ZNF804B: variants seen among roughly 807,000 people sequenced by gnomAD.
ZNF804B encodes zinc finger protein 804B.
In ZNF804B, 80 loss-of-function variants were observed where a neutral mutation model predicts 101.4. The ratio of observed to expected loss-of-function variants is 0.79; its 90% CI spans 0.66 to 0.95. The LOEUF (loss-of-function observed/expected upper bound fraction) is 0.95. Among genes scored for constraint, ZNF804B ranks in the 40% least tolerant of loss-of-function variants. ZNF804B has a pLI of 0.00. For missense variants in ZNF804B, 1,673 were observed against 1,561.9 expected (o/e 1.07, Z -1.20); for synonymous variants, 622 against 558.8 (o/e 1.11, Z -1.59).
chr7:89,261,404 G>C (rs1584089547), intron 2 of ZNF804B, among the ~76,000 whole-genome samples: 1 of 152,020 alleles, frequency 6.6e-6, no homozygotes, highest in East Asian at 1.9e-4. Context: ...TTGTCTTCAA[G>C]TTTTTTCAAA....
At chr7:89,321,133 AT>A (rs1790813042) in intron 2 of ZNF804B, among the ~76,000 whole-genome samples, 1 of 152,138 alleles carries the variant, frequency 6.6e-6, no homozygotes, top group African/African-American at 2.4e-5. Context: ...GAAAATATAC[AT>A]TAATATTATT....
intron 1 of ZNF804B, among the ~76,000 whole-genome samples, chr7:89,024,597 CT>C (rs71120052): frequency 0.68 from 63,710 of 94,148 alleles, 21,406 homozygotes; most frequent in African/African-American, 0.82. Flanking sequence ...AAAGCTATTA[CT>C]TTTTTTTTTT....
chr7:89,268,080 C>T (rs1789827149), intron 2 of ZNF804B, among the ~76,000 whole-genome samples: 1 of 151,988 alleles, frequency 6.6e-6, no homozygotes, highest in Admixed American at 6.6e-5. Flanking sequence ...CCTTTTGGAC[C>T]AAAAGTCTAA....
At position 89,268,976 on chromosome 7, in the gene ZNF804B, G is replaced by A. The variant is rs373470429; in HGVS notation, c.249+50681G>A. On this transcript the variant is annotated intron_variant, in intron 2 of 3. Transcript: ENST00000333190. ...AATCCAAATGTTTTGTCAACATCTG[G>A]TTGGCATTCAGTGCCTTGCCTAGAT... Among the ~76,000 whole-genome samples, 5 of 151,926 alleles carry A rather than the reference G, an allele frequency of 3.3e-5. No homozygotes were observed. In the East Asian group the frequency reaches 5.8e-4, roughly 18 times the overall value.
intron 1 of ZNF804B, among the ~76,000 whole-genome samples, chr7:88,846,841 G>T (rs948264528): frequency 4.0e-5 from 6 of 151,332 alleles, no homozygotes; most frequent in Non-Finnish European, 7.4e-5. Flanking sequence ...GTATATATAT[G>T]TTGTTGTATA....
chr7:88,944,324 AT>A (rs1793095484), intron 1 of ZNF804B, among the ~76,000 whole-genome samples: 1 of 151,786 alleles, frequency 6.6e-6, no homozygotes, highest in Admixed American at 6.6e-5. Context: ...TCACAGTGCA[AT>A]TTTTGTTTGC....
At chr7:88,899,478 C>A (rs139616848) in intron 1 of ZNF804B, among the ~76,000 whole-genome samples, 1 of 152,106 alleles carries the variant, frequency 6.6e-6, no homozygotes, top group Non-Finnish European at 1.5e-5. Flanking sequence ...TGATCTCTTT[C>A]TTCACTGTCA....
intron 1 of ZNF804B, among the ~76,000 whole-genome samples, chr7:88,926,947 G>GA (rs1562834184): frequency 1.3e-5 from 2 of 150,042 alleles, no homozygotes; most frequent in African/African-American, 4.9e-5. Flanking sequence ...GGGGAGCGGG[G>GA]GGAAAGCTGT....
chr7:88,769,499 G>C (rs1009814914), intron 1 of ZNF804B, among the ~76,000 whole-genome samples: 4 of 152,122 alleles, frequency 2.6e-5, no homozygotes, highest in Non-Finnish European at 5.9e-5. Context: ...CTGAAGACTG[G>C]TATATATAAA....
chr7:89,092,537 C>T (rs142152434), intron 1 of ZNF804B, among the ~76,000 whole-genome samples: 1,530 of 151,284 alleles, frequency 0.01, 24 homozygotes, highest in African/African-American at 0.035. Flanking sequence ...CTCAGCCTCC[C>T]GAGCAACTGG....
At chr7:89,289,968 G>A (rs1246160235) in intron 2 of ZNF804B, among the ~76,000 whole-genome samples, 2 of 152,176 alleles carry the variant, frequency 1.3e-5, no homozygotes, top group Non-Finnish European at 2.9e-5. Context: ...TTCACTTGAG[G>A]AAGGGAGAGA....
intron 2 of ZNF804B, among the ~76,000 whole-genome samples, chr7:89,316,850 A>G (rs1790733081): frequency 2.0e-5 from 3 of 149,272 alleles, no homozygotes; most frequent in Non-Finnish European, 4.5e-5. Context: ...GACCCTTTGT[A>G]CTGCAAACAG....
Position 88,994,176 on chromosome 7 carries a change from T to C in ZNF804B, c.109-223979T>C, listed in dbSNP as rs146007244. Among the ~76,000 whole-genome samples, 252 of 152,132 alleles carry C rather than the reference T, an allele frequency of 1.7e-3. 2 individuals carry two copies. The highest frequency in any genetic ancestry group is 5.7e-3 in the African/African-American group (235 of 41,556). On this transcript the variant is annotated intron_variant, in intron 1 of 3. Coordinates refer to ENST00000333190, the MANE Select transcript of ZNF804B (RefSeq NM_181646.5). ...TCTGAGTGATTTAATTCTTTCATCATATGCTAACTCTTCTTCATTAATTTT... is the reference window on the plus strand; with the variant it reads ...TCTGAGTGATTTAATTCTTTCATCACATGCTAACTCTTCTTCATTAATTTT...
At chr7:89,212,191 G>C (rs1788815259) in intron 1 of ZNF804B, among the ~76,000 whole-genome samples, 1 of 151,462 alleles carries the variant, frequency 6.6e-6, no homozygotes, top group African/African-American at 2.4e-5. Flanking sequence ...TTGCTTTGTA[G>C]ACTCAGGGGA....
chr7:89,218,659 C>T (rs756419312), intron 2 of ZNF804B, among the ~76,000 whole-genome samples: 1 of 152,066 alleles, frequency 6.6e-6, no homozygotes, highest in Non-Finnish European at 1.5e-5. Flanking sequence ...CAGAAATTTA[C>T]TAATAGCCTA....
intron 1 of ZNF804B, among the ~76,000 whole-genome samples, chr7:89,113,076 T>C (rs778720453): frequency 3.3e-5 from 5 of 152,110 alleles, no homozygotes; most frequent in African/African-American, 7.2e-5. Flanking sequence ...TGTTAGGAAA[T>C]ATAAAAATGT....
At chr7:88,809,269 T>C (rs16868336) in intron 1 of ZNF804B, among the ~76,000 whole-genome samples, 51,843 of 151,854 alleles carry the variant, frequency 0.34, 9,435 homozygotes, top group East Asian at 0.51. Flanking sequence ...ACATTTAAGA[T>C]TTTATGTATG....
chr7:88,911,032 A>C (rs1470864575), intron 1 of ZNF804B, among the ~76,000 whole-genome samples: 1 of 152,014 alleles, frequency 6.6e-6, no homozygotes, highest in Non-Finnish European at 1.5e-5. Flanking sequence ...AATCAGAGAA[A>C]ACTTAGAGAA....
intron 1 of ZNF804B, among the ~76,000 whole-genome samples, chr7:89,134,909 G>A (rs2116384636): frequency 6.6e-6 from 1 of 151,972 alleles, no homozygotes; most frequent in South Asian, 2.1e-4. Context: ...ATTAGGAAAG[G>A]TAATGTGCCT....
Sources: gnomAD v4.1 joint callset for allele counts (sites outside exome capture counted in the v4.1 genomes callset) on GRCh38, gnomAD v4.1.1 for gene constraint, MANE v1.5 for transcripts, NCBI Gene and HGNC (gene_info 2026-07-23, HGNC 2026-07-21) for gene names.